Variants in FOXRED2 observed in about 807,000 individuals in gnomAD.
FOXRED2 encodes the protein FAD dependent oxidoreductase domain containing 2, also known as FAD-dependent oxidoreductase domain-containing protein 2.
A neutral mutation model predicts 52.5 loss-of-function variants in FOXRED2; 32 were observed. The observed-to-expected ratio is 0.61, with a 90% CI of 0.46 to 0.82. FOXRED2 has a LOEUF of 0.82. FOXRED2 is among the 40% of genes least tolerant of loss of function. The pLI is 0.00. For synonymous variants in FOXRED2, 405 were observed against 398.1 expected (o/e 1.02, Z -0.21); for missense variants, 848 against 937.5 (o/e 0.90, Z 1.25).
chr22:36,506,418 C>T lies in FOXRED2; in HGVS notation c.5G>A (p.Gly2Asp). Reference sequence around the variant, plus strand: ...CCACAACGGGGCCGCAGCGGAGAGGCCCATCCTGCAGCAGATCAGAGGGGT... The same window carrying T: ...CCACAACGGGGCCGCAGCGGAGAGGTCCATCCTGCAGCAGATCAGAGGGGT... MGLSAAAPLWGP... is the reference protein window; with the variant it reads MDLSAAAPLWGP... The change falls in exon 2 of 9, where the codon GGC becomes GAC. Residue 2 changes from glycine to aspartate, a missense_variant. Physicochemically the swap from Gly to Asp is moderately conservative, Grantham distance 94 (BLOSUM62 -1). Coordinates refer to ENST00000397224, the MANE Select transcript of FOXRED2 (RefSeq NM_001102371.2). The T allele has an allele frequency of 7.0e-7, 1 of 1,434,996 alleles. No homozygotes were observed. The highest frequency in any genetic ancestry group is 9.1e-7 in the Non-Finnish European group (1 of 1,099,458). The allele number at this position is 1,434,996 out of a possible 1,614,324, so 88.9% of individuals were successfully genotyped here.
Position 36,500,583 on chromosome 22 carries a change from A to T in FOXRED2, c.1216+658T>A, listed in dbSNP as rs865935334. Among the ~76,000 whole-genome samples, 52 of 136,738 alleles carry T rather than the reference A, an allele frequency of 3.8e-4. 1 individual carries two copies. In the South Asian group the frequency reaches 5.8e-3, roughly 15 times the overall value. The allele number at this position is 136,738 out of a possible 152,430, so 89.7% of individuals were successfully genotyped here. ...AAAAGAACTGATATAATCCAATTAC[A>T]TTTTTTTTTTTTTTTTTGAGATGGA... On this transcript the variant is annotated intron_variant, in intron 5 of 8. Transcript: ENST00000397224.
chr22:36,497,830 A>AG (rs1318429563), intron 6 of FOXRED2, among the ~76,000 whole-genome samples, 161 bp downstream of exon 6: 1 of 152,176 alleles, frequency 6.6e-6, no homozygotes, highest in Non-Finnish European at 1.5e-5. Flanking sequence ...CTGTCTGTAG[A>AG]GTTAATGTCA....
In FOXRED2 at chr22:36,501,161, C is replaced by G. The variant is rs148365441; in HGVS notation, c.1216+80G>C. 177 of 1,427,738 alleles carry G rather than the reference C, an allele frequency of 1.2e-4. 1 individual carries two copies. The East Asian group carries it at 4.1e-3, about 33-fold the overall frequency. The allele number at this position is 1,427,738 out of a possible 1,614,324, so 88.4% of individuals were successfully genotyped here. On this transcript the variant is annotated intron_variant, in intron 5 of 8. Transcript: ENST00000397224. ...CAAGCAATCCCCTAATGCTTCTGGA[C>G]ATAGGAGTAGATTTATAAACCCTGG... is the stretch of plus-strand genomic sequence containing the variant.
Position 36,504,111 on chromosome 22 carries a change from A to T in FOXRED2, c.1036T>A (p.Ser346Thr), listed in dbSNP as rs1306460113. ...CATGGAACTCACTTATTGAAAATGG[A>T]GAAGTCAAAGTTCCAGCCCAGGCAG... ...IRCLGWNFDF[S>T]IFNKSLRLNS... Residue 346 changes from serine (S) to threonine (T), a missense_variant, in exon 4 of 9, where the codon TCC becomes ACC. Coordinates refer to ENST00000397224, the MANE Select transcript of FOXRED2 (RefSeq NM_001102371.2). 6.2e-7 allele frequency: 1 copy of T among 1,614,078 alleles called. No individual in the cohort carries two copies.
intron 4 of FOXRED2, among the ~76,000 whole-genome samples, chr22:36,502,840 G>A (rs914106624): frequency 3.9e-5 from 6 of 151,902 alleles, no homozygotes; most frequent in African/African-American, 1.5e-4. Flanking sequence ...TTACCGGCAC[G>A]TGCCACCATG....
In FOXRED2 at chr22:36,504,503, G is replaced by A. The variant is rs149421143; in HGVS notation, c.779+12C>T. The A allele has an allele frequency of 0.011, 17,202 of 1,614,020 alleles. 102 individuals are homozygous for A. Among genetic ancestry groups the A allele is most frequent in the Middle Eastern group, 0.026 (159 of 6,040 alleles). The stretch of plus-strand genomic sequence containing the variant: ...TCCCAGCACAGAACACACATGCGGG[G>A]ATGTGGCCTACCTGAGGTCTCCAAC... On this transcript the variant is annotated intron_variant, in intron 3 of 8. Transcript: ENST00000397224.
chr22:36,493,495 C>T (rs913360875), intron 8 of FOXRED2, 138 bp downstream of exon 8: 2 of 628,920 alleles, frequency 3.2e-6, no homozygotes, highest in Non-Finnish European at 2.7e-6. Flanking sequence ...TGTAATTTAA[C>T]CCACGGCATT....
Position 36,504,315 on chromosome 22 carries a change from GCCC to G in FOXRED2, c.829_831del (p.Gly277del), listed in dbSNP as rs1474906306. ...AGATCCGTCAGGTCAGACTCGAGCA[GCCC>G]GTCCAGGGACTTGAGCTGGTAGGTA... On this transcript the variant is annotated inframe_deletion, in exon 4 of 9. Coordinates refer to ENST00000397224, the MANE Select transcript of FOXRED2 (RefSeq NM_001102371.2). The G allele has an allele frequency of 6.2e-7, 1 of 1,614,072 alleles. No individual in the cohort carries two copies. Among genetic ancestry groups the G allele is most frequent in the Non-Finnish European group, 8.5e-7 (1 of 1,180,052 alleles).
rs1226222022 is a variant in FOXRED2, at chr22:36,487,322, T to C, written c.*2686A>G. On this transcript the variant is annotated 3_prime_UTR_variant, in exon 9 of 9. Transcript: ENST00000397224. Reference sequence around the variant, plus strand: ...GCAGGTACCCCCTACTGCTGTGTTGTTCCCCTATGGGCTAGGGTTGGACCG... The same window carrying C: ...GCAGGTACCCCCTACTGCTGTGTTGCTCCCCTATGGGCTAGGGTTGGACCG... 5 of 152,262 alleles carry C rather than the reference T, an allele frequency of 3.3e-5. No homozygotes were observed. In the South Asian group the frequency reaches 6.2e-4, roughly 19 times the overall value. The allele number at this position is 152,262 out of a possible 1,614,324, so 9.4% of individuals were successfully genotyped here.
Position 36,504,203 on chromosome 22 carries a change from G to C in FOXRED2, c.944C>G (p.Ser315Cys). The C allele has an allele frequency of 1.2e-6, 2 of 1,614,244 alleles. No individual in the cohort carries two copies. The highest frequency in any genetic ancestry group is 1.7e-6 in the Non-Finnish European group (2 of 1,180,046). The part of the protein sequence containing the change: ...EEANTNQSAD[S>C]ITLPQDDNDN... ...ATTGTCGTCCTGGGGGAGGGTGATG[G>C]AGTCGGCACTCTGGTTGGTGTTGGC... The change falls in exon 4 of 9, where the codon TCC becomes TGC. Residue 315 changes from serine to cysteine, a missense_variant. By Grantham distance (112) the Ser-to-Cys change is moderately radical. Transcript: ENST00000397224.
At chr22:36,503,394 C>G (rs1934106131) in intron 4 of FOXRED2, among the ~76,000 whole-genome samples, 1 of 150,790 alleles carries the variant, frequency 6.6e-6, no homozygotes, top group Non-Finnish European at 1.5e-5. Flanking sequence ...ACTGCAACTT[C>G]TGCTTCCCAG....
At chr22:36,503,781 C>T (rs1378628705) in intron 4 of FOXRED2, among the ~76,000 whole-genome samples, 1 of 152,218 alleles carries the variant, frequency 6.6e-6, no homozygotes. Context: ...GTGCTCTCAG[C>T]CACTACGCTA....
intron 7 of FOXRED2, among the ~76,000 whole-genome samples, chr22:36,494,032 C>T (rs557602497): frequency 1.7e-4 from 26 of 152,316 alleles, no homozygotes; most frequent in South Asian, 1.2e-3. Flanking sequence ...CTTGTGGTTT[C>T]GGAAGGCAGT....
chr22:36,491,793 T>C (rs1393721195), intron 8 of FOXRED2, among the ~76,000 whole-genome samples: 1 of 152,188 alleles, frequency 6.6e-6, no homozygotes, highest in Non-Finnish European at 1.5e-5. Flanking sequence ...TATTTCTTTA[T>C]AGCAATGTGA....
intron 5 of FOXRED2, among the ~76,000 whole-genome samples, chr22:36,499,492 G>A (rs1231134481): frequency 6.6e-6 from 1 of 152,092 alleles, no homozygotes; most frequent in Admixed American, 6.6e-5. Context: ...TGGGTGTGGT[G>A]GTGCACGCCT....
At position 36,501,313 on chromosome 22, in the gene FOXRED2, G is replaced by C. The variant is rs1934036476; in HGVS notation, c.1144C>G (p.Leu382Val). The change falls in exon 5 of 9, where the codon CTG becomes GTG. Residue 382 changes from leucine (L) to valine (V), a missense_variant. Leu to Val is a conservative substitution (Grantham distance 32). Coordinates refer to ENST00000397224, the MANE Select transcript of FOXRED2 (RefSeq NM_001102371.2). ...ESKGSRGLFILGTASHSVDYR... is the reference protein window; with the variant it reads ...ESKGSRGLFIVGTASHSVDYR... ...TCCACCGAGTGGCTGGCAGTACCCA[G>C]GATAAACAGACCCCGGCTTCCTTTG... The C allele has an allele frequency of 6.2e-7, 1 of 1,614,166 alleles. No individual in the cohort carries two copies. Among genetic ancestry groups the C allele is most frequent in the Non-Finnish European group, 8.5e-7 (1 of 1,180,034 alleles).
In FOXRED2 at chr22:36,501,478, G is replaced by C. The variant is rs960763038; in HGVS notation, c.1050-71C>G. The C allele has an allele frequency of 7.3e-6, 11 of 1,506,080 alleles. No individual in the cohort carries two copies. The African/African-American group carries it at 1.5e-4, about 21-fold the overall frequency. The allele number at this position is 1,506,080 out of a possible 1,614,324, so 93.3% of individuals were successfully genotyped here. On this transcript the variant is annotated intron_variant, in intron 4 of 8. Transcript: ENST00000397224. ...GGCACTTATTTATTTAGTTAGTTTTGAGATGGAGTTTCGCTCTTGTCGCCC... is the reference window on the plus strand; with the variant it reads ...GGCACTTATTTATTTAGTTAGTTTTCAGATGGAGTTTCGCTCTTGTCGCCC...
rs376018757 is a variant in FOXRED2 at position 36,498,195 on chromosome 22, C to A, written c.1217-39G>T. 43 of 1,582,142 alleles carry A rather than the reference C, an allele frequency of 2.7e-5. No homozygotes were observed. The African/African-American group carries it at 5.1e-4, about 19-fold the overall frequency. On this transcript the variant is annotated intron_variant, in intron 5 of 8. Coordinates refer to ENST00000397224, the MANE Select transcript of FOXRED2 (RefSeq NM_001102371.2). ...AGGGAGGAACGGCACGCTGCACTTA[C>A]CATTTTATCTCTGGTCACTGGGAGG...
chr22:36,504,208 G>A lies in FOXRED2; in HGVS notation c.939C>T (p.Ala313=), dbSNP rs764922316. The part of the protein sequence containing the change: ...FLEEANTNQS[A]DSITLPQDDN... The stretch of plus-strand genomic sequence containing the variant: ...CGTCCTGGGGGAGGGTGATGGAGTC[G>A]GCACTCTGGTTGGTGTTGGCTTCTT... The change falls in exon 4 of 9, where the codon GCC becomes GCT. Residue 313 remains alanine (A), a synonymous_variant. Transcript: ENST00000397224. 34 of 1,614,082 alleles carry A rather than the reference G, an allele frequency of 2.1e-5. No homozygotes were observed. Among genetic ancestry groups the A allele is most frequent in the Non-Finnish European group, 2.8e-5 (33 of 1,180,050 alleles).
Sources: allele counts gnomAD v4.1 joint callset (sites outside exome capture counted in the v4.1 genomes callset), GRCh38; gene constraint gnomAD v4.1.1; transcripts MANE v1.5; gene names NCBI Gene and HGNC (gene_info 2026-07-23, HGNC 2026-07-21).